The following SETD2 variants were observed in gnomAD, a reference collection of about 807,000 sequenced individuals.
The protein encoded by SETD2 is SET domain containing 2, histone lysine methyltransferase.
Under a neutral mutation model 242.1 loss-of-function variants are expected in SETD2, and 31 were observed. The ratio of observed to expected loss-of-function variants is 0.13; its 90% CI spans 0.10 to 0.17. SETD2 has a LOEUF of 0.17. SETD2 is among the 10% of genes least tolerant of loss of function. The probability of loss-of-function intolerance (pLI) is 1.00; values close to 1 mark genes in which losing one functional copy is unlikely to be tolerated. For synonymous variants in SETD2, 1,006 were observed against 1,066.5 expected, an observed-to-expected ratio of 0.94 and a Z score of 1.11; for missense variants, 2,481 against 3,046.3, an observed-to-expected ratio of 0.81 and a Z score of 4.37.
At position 47,134,102 on chromosome 3, in the gene SETD2, C is replaced by G. The variant is rs146250135; in HGVS notation, c.72-7439G>C. 1.7e-4 allele frequency among the ~76,000 whole-genome samples: 26 copies of G among 152,290 alleles called. No homozygotes were observed. The East Asian group carries it at 5.0e-3, about 29-fold the overall frequency. ...ATTGGCAGGGAACTCTTCTCAATTA[C>G]TAAGTGATTACCTTCACCATTAGGA... On this transcript the variant is annotated intron_variant, in intron 1 of 20. Transcript: ENST00000409792.
intron 8 of SETD2, among the ~76,000 whole-genome samples, chr3:47,099,851 T>C (rs1264365989): frequency 6.6e-6 from 1 of 152,216 alleles, no homozygotes; most frequent in Non-Finnish European, 1.5e-5. Flanking sequence ...AAAGCAGAAG[T>C]CACTTGAGAA....
chr3:47,023,561 T>C (rs1037858005), intron 18 of SETD2, among the ~76,000 whole-genome samples: 1 of 152,118 alleles, frequency 6.6e-6, no homozygotes, highest in Non-Finnish European at 1.5e-5. Context: ...CATGAACCTG[T>C]ACATGTCAAT....
chr3:47,056,195 G>A (rs1475268784), intron 15 of SETD2, among the ~76,000 whole-genome samples: 1 of 150,782 alleles, frequency 6.6e-6, no homozygotes, highest in Admixed American at 6.6e-5. Context: ...CGCTATCTCA[G>A]CTCACTGTAA....
intron 1 of SETD2, among the ~76,000 whole-genome samples, chr3:47,152,099 TACA>T (rs2106827565): frequency 6.6e-6 from 1 of 152,330 alleles, no homozygotes; most frequent in East Asian, 1.9e-4. Flanking sequence ...TGAATAATTG[TACA>T]ACAAAAGTTG....
intron 15 of SETD2, among the ~76,000 whole-genome samples, chr3:47,056,119 T>C (rs2040070361): frequency 1.4e-5 from 2 of 147,052 alleles, no homozygotes; most frequent in South Asian, 4.3e-4. Context: ...TATTTATTTA[T>C]TTATTTATTT....
chr3:47,075,656 A>C (rs549549704), intron 12 of SETD2, among the ~76,000 whole-genome samples: 1 of 152,112 alleles, frequency 6.6e-6, no homozygotes, highest in South Asian at 2.1e-4. Context: ...ACAGAGAAAT[A>C]GTTATTTTTT....
chr3:47,106,482 G>T (rs1436402691), intron 5 of SETD2, among the ~76,000 whole-genome samples: 2 of 107,762 alleles, frequency 1.9e-5, no homozygotes, highest in South Asian at 3.3e-4. Flanking sequence ...AAAGTTAGAG[G>T]ATTTTTGCTC....
chr3:47,163,914 A>G lies in SETD2; in HGVS notation c.11T>C (p.Leu4Pro). 1 of 1,311,936 alleles carries G rather than the reference A, an allele frequency of 7.6e-7. No individual in the cohort carries two copies. Among genetic ancestry groups the G allele is most frequent in the South Asian group, 3.1e-5 (1 of 32,424 alleles). The allele number at this position is 1,311,936 out of a possible 1,614,324, so 81.3% of individuals were successfully genotyped here. A position where few individuals can be genotyped will look rare whatever the true frequency, so the allele number is the denominator to read the frequency against. ...CATCTTCGGAGGCGGCTGCGGCTGC[A>G]GCTGCTTCATCGGGAGCGGCTGGAG... is the stretch of plus-strand genomic sequence containing the variant. MKQ[L>P]QPQPPPKMGD... is the part of the protein sequence containing the mutation. Residue 4 changes from leucine to proline, a missense_variant, in exon 1 of 21, where the codon CTG becomes CCG. By Grantham distance (98) the Leu-to-Pro change is moderately conservative (BLOSUM62 -3). Coordinates refer to ENST00000409792, the MANE Select transcript of SETD2 (RefSeq NM_014159.7).
intron 14 of SETD2, among the ~76,000 whole-genome samples, chr3:47,061,167 G>A (rs1357146161): frequency 4.6e-5 from 7 of 151,964 alleles, no homozygotes; most frequent in South Asian, 2.1e-4. Flanking sequence ...GCAGTGAGCC[G>A]AGATCATGCC....
At chr3:47,058,440 C>CAAAAAAAAAAAAAAAAAAAA (rs1174283471) in intron 14 of SETD2, among the ~76,000 whole-genome samples, 2 of 21,974 alleles carry the variant, frequency 9.1e-5, no homozygotes, top group African/African-American at 2.5e-4. Context: ...GACACCGTCT[C>CAAAAAAAAAAAAAAAAAAAA]AAAAAAAAAA....
At chr3:47,019,938 A>G (rs2038145218) in intron 18 of SETD2, 98 bp from the exon 19 acceptor site, 1 of 1,004,308 alleles carries the variant, frequency 1.0e-6, no homozygotes, top group Non-Finnish European at 1.6e-6. Flanking sequence ...CCTAGCAGGG[A>G]TACCTGATTC....
In SETD2 at chr3:47,017,649, G is replaced by C. The variant is rs2107487612; in HGVS notation, c.7522C>G (p.Leu2508Val). 1 of 1,613,382 alleles carries C rather than the reference G, an allele frequency of 6.2e-7. No individual in the cohort carries two copies. The highest frequency in any genetic ancestry group is 8.5e-7 in the Non-Finnish European group (1 of 1,179,272). Residue 2508 changes from leucine (L) to valine (V), a missense_variant, in exon 20 of 21, where the codon CTG (leucine) becomes GTG (valine). Coordinates refer to ENST00000409792, the MANE Select transcript of SETD2 (RefSeq NM_014159.7). The surrounding 1 kb of genome is among the most constrained non-coding windows in gnomAD (Gnocchi z 4.8). ...AGCAAGGGGAGTACCTTGCGAGCCA[G>C]ATGTTTAAAGTCTTCAGTTGTGGTA... The part of the protein sequence containing the change: ...RITTTEDFKH[L>V]ARKLTHGVMN...
In SETD2 at chr3:47,062,186, C is replaced by T. The variant is rs2107588703; in HGVS notation, c.6270G>A (p.Arg2090=). 1 of 1,613,424 alleles carries T rather than the reference C, an allele frequency of 6.2e-7. No individual in the cohort carries two copies. The highest frequency in any genetic ancestry group is 1.7e-5 in the Admixed American group (1 of 59,850). The change falls in exon 14 of 21, where the codon CGG becomes CGA. Residue 2090 remains arginine, a synonymous_variant. Transcript: ENST00000409792. ...ACCTGTCATCTGGCCTTTTTGTTCC[C>T]CGCTCATAGGCAGAAGAGGGTGGTG... The part of the protein sequence containing the change: ...SLSPPSSAYE[R]GTKRPDDRYD...
Position 47,103,423 on chromosome 3 carries a change from T to C in SETD2, c.4840A>G (p.Ile1614Val), listed in dbSNP as rs2042289966. The change falls in exon 7 of 21, where the codon ATA (isoleucine) becomes GTA (valine). Residue 1614 changes from isoleucine (I) to valine (V), a missense_variant and splice_region_variant. Physicochemically the swap from Ile to Val is conservative, Grantham distance 29. Transcript: ENST00000409792. ...YYFMALKNDEIIDATQKGNCS... is the reference protein window; with the variant it reads ...YYFMALKNDEVIDATQKGNCS... ...TTTCCTTTTTGAGTGGCATCTATTATCTGGGAGAAGAGGATCATTTAAGAA... is the reference window on the plus strand; with the variant it reads ...TTTCCTTTTTGAGTGGCATCTATTACCTGGGAGAAGAGGATCATTTAAGAA... 12 of 1,602,252 alleles carry C rather than the reference T, an allele frequency of 7.5e-6. No individual in the cohort carries two copies. The highest frequency in any genetic ancestry group is 1.0e-5 in the Non-Finnish European group (12 of 1,169,374).
chr3:47,101,733 A>C (rs1037336012), intron 7 of SETD2, among the ~76,000 whole-genome samples, 178 bp from the exon 8 acceptor site: 3 of 152,078 alleles, frequency 2.0e-5, no homozygotes, highest in African/African-American at 7.2e-5. Flanking sequence ...TTTTTCTTTA[A>C]AAGAACTAAA....
intron 5 of SETD2, among the ~76,000 whole-genome samples, chr3:47,111,079 T>TAAAAAAAAAAAAAAAAAAAA: frequency 1.3e-5 from 1 of 78,816 alleles, no homozygotes; most frequent in Non-Finnish European, 2.3e-5. Context: ...GTGGTTCCTT[T>TAAAAAAAAAAAAAAAAAAAA]AAAAAAAAAA....
At chr3:47,019,323 T>C in intron 19 of SETD2, among the ~76,000 whole-genome samples, 1 of 152,254 alleles carries the variant, frequency 6.6e-6, no homozygotes, top group East Asian at 1.9e-4. Flanking sequence ...GCAATCTGTC[T>C]TGCCTACCTC....
chr3:47,088,285 C>G lies in SETD2; in HGVS notation c.5143-38G>C, dbSNP rs766392820. 1.4e-5 allele frequency: 22 copies of G among 1,548,800 alleles called. No homozygotes were observed. In the South Asian group the frequency reaches 2.5e-4, roughly 17 times the overall value. ...ATAAAAATACCTTTTTATAAAACAA[C>G]AACAACAAAAAAAAAAACCAAAAAC... On this transcript the variant is annotated intron_variant, in intron 9 of 20. Coordinates refer to ENST00000409792, the MANE Select transcript of SETD2 (RefSeq NM_014159.7).
rs71615400 is a variant in SETD2, at chr3:47,117,281, CAA to C, written c.4455-529_4455-528del. Among the ~76,000 whole-genome samples the C allele has an allele frequency of 2.3e-3, 122 of 53,588 alleles. 2 individuals are homozygous for C. The highest frequency in any genetic ancestry group is 9.0e-3 in the African/African-American group (115 of 12,756). 35.2% of individuals were successfully genotyped at this position (53,588 alleles called of 152,430 possible). On this transcript the variant is annotated intron_variant, in intron 3 of 20. Transcript: ENST00000409792. The stretch of plus-strand genomic sequence containing the variant: ...ATTACCAAAAAAAAAAAAAAAAAAA[CAA>C]ACAAAAAAAAAAACATGAGAAGGGC...
Sources: gnomAD v4.1 joint callset for allele counts (sites outside exome capture counted in the v4.1 genomes callset) on GRCh38, gnomAD v4.1.1 for gene constraint, Gnocchi (gnomAD v3.1) non-coding constraint, MANE v1.5 for transcripts, NCBI Gene and HGNC (gene_info 2026-07-23, HGNC 2026-07-21) for gene names.